Variants in C19orf47 observed in about 807,000 individuals in gnomAD.
The protein encoded by C19orf47 is uncharacterized protein C19orf47.
C19orf47 carries 18 observed loss-of-function variants against 32.3 expected under a neutral mutation model. That is an observed-to-expected ratio of 0.56 (90% CI 0.39 to 0.83). C19orf47 has a LOEUF of 0.83. Among genes scored for constraint, C19orf47 ranks in the 40% least tolerant of loss-of-function variants. The pLI, the probability that C19orf47 is intolerant of heterozygous loss-of-function variation, is 0.00. For synonymous variants in C19orf47, 202 were observed against 211.1 expected (o/e 0.96, Z 0.37); for missense variants, 484 against 531.6 (o/e 0.91, Z 0.88).
chr19:40,338,495 C>T (rs1429113502), intron 2 of C19orf47, among the ~76,000 whole-genome samples: 1 of 151,916 alleles, frequency 6.6e-6, no homozygotes, highest in Admixed American at 6.6e-5. Context: ...AGCAATTCTC[C>T]TGCCTCAGCC....
At chr19:40,332,990 G>A (rs2077985861) in intron 5 of C19orf47, among the ~76,000 whole-genome samples, 1 of 152,182 alleles carries the variant, frequency 6.6e-6, no homozygotes, top group Non-Finnish European at 1.5e-5. Context: ...GGGAGCAGTG[G>A]CTCACGCCTA....
chr19:40,300,252 G>C, the C19orf47 span, among the ~76,000 whole-genome samples: 1 of 151,962 alleles, frequency 6.6e-6, no homozygotes, highest in Non-Finnish European at 1.5e-5. Context: ...GGATCACGAG[G>C]TCAGGAGTTC....
downstream of C19orf47, among the ~76,000 whole-genome samples, chr19:40,317,634 A>C (rs969143677): frequency 1.3e-5 from 2 of 152,016 alleles, no homozygotes; most frequent in Non-Finnish European, 2.9e-5. Context: ...GCAGCATCCT[A>C]GCTGCAAATG....
the C19orf47 span, among the ~76,000 whole-genome samples, chr19:40,308,332 T>A: frequency 3.3e-5 from 5 of 151,620 alleles, no homozygotes; most frequent in Non-Finnish European, 7.4e-5. Context: ...ATTTTCTGTA[T>A]TTTTAGTAGA....
chr19:40,307,501 G>A, the C19orf47 span, among the ~76,000 whole-genome samples: 8 of 151,930 alleles, frequency 5.3e-5, no homozygotes, highest in South Asian at 1.7e-3. Context: ...TGGGCTCAAG[G>A]GATCCTCTTG....
chr19:40,293,331 A>T, the C19orf47 span, among the ~76,000 whole-genome samples: 1 of 151,798 alleles, frequency 6.6e-6, no homozygotes, highest in East Asian at 1.9e-4. Flanking sequence ...TTTTTAGTAG[A>T]GATGGGGTTT....
rs1221694458 is a variant in C19orf47 at position 40,325,067 on chromosome 19, T to G, written c.593-991A>C. ...GGTGGATCACCCGAGGTCAGGAGTT[T>G]GAGACCAGCCTGGCCAACATGATGA... is the stretch of plus-strand genomic sequence containing the variant. On this transcript the variant is annotated intron_variant, in intron 7 of 8. Transcript: ENST00000683109. Among the ~76,000 whole-genome samples the G allele has an allele frequency of 5.9e-5, 9 of 151,794 alleles. No homozygotes were observed. The East Asian group carries it at 1.8e-3, about 30-fold the overall frequency.
intron 1 of C19orf47, among the ~76,000 whole-genome samples, chr19:40,344,722 AG>A (rs948900175): frequency 2.5e-4 from 38 of 152,172 alleles, no homozygotes. Context: ...TGGCACATCT[AG>A]CAACTGACCT....
In C19orf47 at chr19:40,326,317, C is replaced by A; in HGVS notation, c.592+17G>T. ...ACATGGACCCCGCAGGGAAGCATGC[C>A]CCTGATGGGCCAGTACCTTTTGCAG... On this transcript the variant is annotated intron_variant, in intron 7 of 8. Coordinates refer to ENST00000683109, the MANE Select transcript of C19orf47 (RefSeq NM_001256441.2). The A allele has an allele frequency of 1.2e-6, 2 of 1,613,840 alleles. No individual in the cohort carries two copies. The highest frequency in any genetic ancestry group is 2.2e-5 in the East Asian group (1 of 44,872).
intron 1 of C19orf47, 136 bp downstream of exon 1, chr19:40,348,188 G>A (rs773841513): frequency 7.7e-6 from 4 of 516,260 alleles, no homozygotes; most frequent in Non-Finnish European, 1.2e-5. Context: ...TTCCACAGGG[G>A]AGGAAACTGA....
chr19:40,345,813 C>A (rs1382120521), intron 1 of C19orf47, among the ~76,000 whole-genome samples: 1 of 141,684 alleles, frequency 7.1e-6, no homozygotes, highest in East Asian at 2.1e-4. Context: ...TACGCCACTT[C>A]ACTCCAGCCT....
chr19:40,317,054 A>G (rs2077667013), downstream of C19orf47, among the ~76,000 whole-genome samples: 1 of 152,148 alleles, frequency 6.6e-6, no homozygotes, highest in African/African-American at 2.4e-5. Context: ...ACATGGGAAG[A>G]TACTTTTCAC....
intron 1 of C19orf47, among the ~76,000 whole-genome samples, chr19:40,345,098 A>T (rs1380281300): frequency 1.3e-5 from 2 of 152,220 alleles, no homozygotes; most frequent in African/African-American, 4.8e-5. Flanking sequence ...TCAATGTCTC[A>T]GTTAATGCTA....
chr19:40,324,164 C>G (rs1156468208), intron 7 of C19orf47, 88 bp from the exon 8 acceptor site: 4 of 1,284,208 alleles, frequency 3.1e-6, no homozygotes, highest in Non-Finnish European at 4.5e-6. Context: ...AGCCCAGACA[C>G]CAGTAGCTCT....
rs969889550 is a variant in C19orf47, at chr19:40,328,412, C to A, written c.439+1G>T. 6.2e-7 allele frequency: 1 copy of A among 1,612,616 alleles called. No homozygotes were observed. The highest frequency in any genetic ancestry group is 1.3e-5 in the African/African-American group (1 of 74,856). ...CCTACCACCTGCCCATGTTCCCTCA[C>A]CAGTGGCCTTGGCACTCTTTGCTGC... On this transcript the variant is annotated splice_donor_variant, in intron 6 of 8. Transcript: ENST00000683109. LOFTEE classifies it high-confidence loss of function.
chr19:40,334,445 T>C (rs992338942), intron 4 of C19orf47, among the ~76,000 whole-genome samples: 3 of 151,610 alleles, frequency 2.0e-5, no homozygotes, highest in African/African-American at 7.3e-5. Context: ...TGAGACCCTG[T>C]CTCCAAAATA....
chr19:40,334,225 G>C (rs1309756740), intron 4 of C19orf47, among the ~76,000 whole-genome samples: 1 of 152,112 alleles, frequency 6.6e-6, no homozygotes, highest in Non-Finnish European at 1.5e-5. Context: ...GAAGCGGGTG[G>C]ATCACCTGAG....
In C19orf47 at chr19:40,348,390, C is replaced by T. The variant is rs1200841335; in HGVS notation, c.-100G>A. 2.7e-6 allele frequency: 4 copies of T among 1,458,328 alleles called. No homozygotes were observed. Among genetic ancestry groups the T allele is most frequent in the Middle Eastern group, 1.8e-4 (1 of 5,454 alleles). 90.3% of individuals were successfully genotyped at this position (1,458,328 alleles called of 1,614,324 possible). On this transcript the variant is annotated 5_prime_UTR_variant, in exon 1 of 9. Transcript: ENST00000683109. ...CCTCCCGGCGGCGCCAACTGTCAGACACTCCTCCCCCGGCCCGGGCTGCCC... is the reference window on the plus strand; with the variant it reads ...CCTCCCGGCGGCGCCAACTGTCAGATACTCCTCCCCCGGCCCGGGCTGCCC...
intron 4 of C19orf47, 110 bp downstream of exon 4, chr19:40,336,000 C>T (rs1190747597): frequency 4.4e-6 from 4 of 910,008 alleles, no homozygotes; most frequent in East Asian, 5.2e-5. Flanking sequence ...TGAACCAGCC[C>T]TGGAACCTGG....
Sources: allele counts gnomAD v4.1 joint callset (sites outside exome capture counted in the v4.1 genomes callset), GRCh38; gene constraint gnomAD v4.1.1; transcripts MANE v1.5; gene names NCBI Gene and HGNC (gene_info 2026-07-23, HGNC 2026-07-21).